PEX11A: variants seen among roughly 807,000 people sequenced by gnomAD.
PEX11A encodes peroxisomal membrane protein 11A.
A neutral mutation model predicts 14.4 loss-of-function variants in PEX11A; 13 were observed. The observed-to-expected ratio is 0.90, with a 90% CI of 0.59 to 1.43. The LOEUF is 1.43. PEX11A is among the 40% of genes most tolerant of loss of function. The pLI, the probability that PEX11A is intolerant of heterozygous loss-of-function variation, is 0.00. For missense variants in PEX11A, 290 were observed against 302.8 expected (o/e 0.96, Z 0.31); for synonymous variants, 101 against 113.0 (o/e 0.89, Z 0.67).
chr15:89,687,403 T>C (rs1285191407), intron 1 of PEX11A, among the ~76,000 whole-genome samples: 1 of 152,242 alleles, frequency 6.6e-6, no homozygotes, highest in African/African-American at 2.4e-5. Flanking sequence ...TATGTTTTCA[T>C]AGTTGTCTTT....
At chr15:89,686,948 G>A (rs1020561629) in intron 1 of PEX11A, among the ~76,000 whole-genome samples, 3 of 149,844 alleles carry the variant, frequency 2.0e-5, no homozygotes, top group Admixed American at 6.6e-5. Context: ...GTTTTTGATC[G>A]AGTCTCGCTC....
In PEX11A at chr15:89,683,952, C is replaced by T; in HGVS notation, c.173-4G>A. On this transcript the variant is annotated splice_polypyrimidine_tract_variant and splice_region_variant and intron_variant, in intron 2 of 2. Coordinates refer to ENST00000300056, the MANE Select transcript of PEX11A (RefSeq NM_003847.3). The stretch of plus-strand genomic sequence containing the variant: ...ACCACATTGCCTAGTCTGAACCCTG[C>T]AAGTAGAACCCACAATAGTGAACAG... The T allele has an allele frequency of 6.3e-7, 1 of 1,586,840 alleles. No homozygotes were observed. The highest frequency in any genetic ancestry group is 8.6e-7 in the Non-Finnish European group (1 of 1,158,774).
intron 1 of PEX11A, among the ~76,000 whole-genome samples, chr15:89,689,418 T>A (rs564676351): frequency 1.3e-5 from 2 of 152,236 alleles, no homozygotes; most frequent in Non-Finnish European, 2.9e-5. Context: ...GCCATTCTAA[T>A]TGATCTGTTT....
chr15:89,684,108 T>A (rs1488406419), intron 2 of PEX11A, among the ~76,000 whole-genome samples, 160 bp from the exon 3 acceptor site: 1 of 152,170 alleles, frequency 6.6e-6, no homozygotes, highest in Admixed American at 6.5e-5. Context: ...CCATCACAGC[T>A]CACAGCAGCC....
At position 89,683,284 on chromosome 15, in the gene PEX11A, C is replaced by T. The variant is rs1964623351; in HGVS notation, c.*93G>A. 3.5e-6 allele frequency: 3 copies of T among 869,314 alleles called. No individual in the cohort carries two copies. The South Asian group carries it at 4.9e-5, about 14-fold the overall frequency. 53.9% of individuals were successfully genotyped at this position (869,314 alleles called of 1,614,324 possible). A position where few individuals can be genotyped will look rare whatever the true frequency, so the allele number is the denominator to read the frequency against. ...ATGCTCACATGAACAAGAACTTAAG[C>T]ACAGTATGACATGGCCTGTGACTTA... On this transcript the variant is annotated 3_prime_UTR_variant, in exon 3 of 3. Coordinates refer to ENST00000300056, the MANE Select transcript of PEX11A (RefSeq NM_003847.3).
intron 1 of PEX11A, among the ~76,000 whole-genome samples, chr15:89,689,727 C>G (rs1964768242): frequency 6.6e-6 from 1 of 152,194 alleles, no homozygotes; most frequent in Non-Finnish European, 1.5e-5. Flanking sequence ...GTGGTCTCAT[C>G]CCCGCTATAT....
At chr15:89,688,363 G>C in intron 1 of PEX11A, 1 of 238,206 alleles carries the variant, frequency 4.2e-6, no homozygotes, top group Non-Finnish European at 8.2e-6. Context: ...AGAGATCTCA[G>C]ATCTTTTGGA....
Sources: allele counts gnomAD v4.1 joint callset (sites outside exome capture counted in the v4.1 genomes callset), GRCh38; gene constraint gnomAD v4.1.1; transcripts MANE v1.5; gene names NCBI Gene and HGNC (gene_info 2026-07-23, HGNC 2026-07-21).